CREM: variants seen among roughly 807,000 people sequenced by gnomAD.
The protein encoded by CREM is cAMP-responsive element modulator.
Under a neutral mutation model 37.3 loss-of-function variants are expected in CREM, and 13 were observed. The observed-to-expected ratio is 0.35, with a 90% CI of 0.23 to 0.55. CREM has a LOEUF of 0.55. Ranked by LOEUF, CREM falls within the 20% of genes least tolerant of loss-of-function variation. CREM has a pLI of 0.88. For synonymous variants in CREM, 124 were observed against 120.2 expected (o/e 1.03, Z -0.21); for missense variants, 296 against 362.3 (o/e 0.82, Z 1.49).
rs568005377 is a variant in CREM at position 35,161,993 on chromosome 10, A to G, written c.168+13502A>G. 5.9e-5 allele frequency among the ~76,000 whole-genome samples: 9 copies of G among 152,328 alleles called. No individual in the cohort carries two copies. In the East Asian group the frequency reaches 1.5e-3, roughly 26 times the overall value. On this transcript the variant is annotated intron_variant, in intron 3 of 7. Transcript: ENST00000685392. ...GCACTTCCATATTTATTGCAGCACT[A>G]TGCATAATGGCCAAGATACGGAATC...
At chr10:35,158,007 C>T (rs1338733716) in intron 3 of CREM, among the ~76,000 whole-genome samples, 1 of 151,832 alleles carries the variant, frequency 6.6e-6, no homozygotes, top group Non-Finnish European at 1.5e-5. Flanking sequence ...GAAAAAAATA[C>T]TTAGAAATAA....
intron 3 of CREM, among the ~76,000 whole-genome samples, chr10:35,170,523 C>G (rs943193150): frequency 6.6e-6 from 1 of 152,162 alleles, no homozygotes; most frequent in African/African-American, 2.4e-5. Context: ...GTGAATCCAT[C>G]TGGTCCTGGA....
chr10:35,178,549 A>G (rs1005146674), intron 3 of CREM, among the ~76,000 whole-genome samples: 4 of 152,198 alleles, frequency 2.6e-5, no homozygotes, highest in Non-Finnish European at 4.4e-5. Flanking sequence ...TCGTAGGAGC[A>G]CTTTCAGGTT....
chr10:35,167,561 A>T, intron 3 of CREM: 1 of 650,274 alleles, frequency 1.5e-6, no homozygotes, highest in South Asian at 1.9e-5. Flanking sequence ...GAGCTAGTCC[A>T]CTAGGTGCTA....
chr10:35,182,002 T>C (rs967165629), intron 5 of CREM, among the ~76,000 whole-genome samples: 3 of 152,260 alleles, frequency 2.0e-5, no homozygotes, highest in Non-Finnish European at 2.9e-5. Context: ...TGAGAAGTTA[T>C]AGTTCTGTAT....
chr10:35,156,939 C>T (rs2092951803), intron 3 of CREM, among the ~76,000 whole-genome samples: 1 of 152,072 alleles, frequency 6.6e-6, no homozygotes, highest in African/African-American at 2.4e-5. Flanking sequence ...GATGCAACAA[C>T]AACAACAAAA....
intron 3 of CREM, among the ~76,000 whole-genome samples, chr10:35,156,922 A>G (rs1457674115): frequency 2.0e-5 from 3 of 152,214 alleles, no homozygotes; most frequent in East Asian, 1.9e-4. Context: ...AAAACAATGC[A>G]TATAAAGATG....
intron 5 of CREM, 83 bp from the exon 6 acceptor site, chr10:35,188,117 G>A (rs1264317073): frequency 3.1e-6 from 4 of 1,299,418 alleles, no homozygotes; most frequent in Non-Finnish European, 4.2e-6. Context: ...GTAATAAATA[G>A]ACCCAGAGTA....
At chr10:35,181,906 A>G (rs144812275) in intron 5 of CREM, among the ~76,000 whole-genome samples, 2 of 152,212 alleles carry the variant, frequency 1.3e-5, no homozygotes, top group Admixed American at 6.5e-5. Context: ...ACATCTGTCT[A>G]TTTGCCACAT....
intron 2 of CREM, among the ~76,000 whole-genome samples, chr10:35,145,283 C>T (rs993853103): frequency 5.3e-4 from 81 of 152,126 alleles, no homozygotes; most frequent in Non-Finnish European, 1.3e-4. Flanking sequence ...CTTTCCCTCA[C>T]CCAGATTTTC....
intron 3 of CREM, among the ~76,000 whole-genome samples, chr10:35,157,580 G>A (rs888899296): frequency 1.3e-5 from 2 of 148,672 alleles, no homozygotes; most frequent in South Asian, 4.2e-4. Context: ...AGGTTGCAAT[G>A]AGCCAAGATC....
At chr10:35,203,257 G>A (rs1293561237) in intron 6 of CREM, among the ~76,000 whole-genome samples, 1 of 152,004 alleles carries the variant, frequency 6.6e-6, no homozygotes, top group Non-Finnish European at 1.5e-5. Flanking sequence ...TGTTGCCCAG[G>A]CTGGTCTTGA....
chr10:35,158,798 GTTTTTTTTTTGT>G (rs2093082716), intron 3 of CREM, among the ~76,000 whole-genome samples: 18 of 100,812 alleles, frequency 1.8e-4, no homozygotes, highest in African/African-American at 6.3e-4. Flanking sequence ...CAAATATAGT[GTTTTTTTTTTGT>G]TGTTTTGTTT....
At chr10:35,169,237 A>C (rs561482935) in intron 3 of CREM, among the ~76,000 whole-genome samples, 2 of 152,288 alleles carry the variant, frequency 1.3e-5, no homozygotes, top group East Asian at 3.9e-4. Context: ...TGAGCATGGA[A>C]TGTTCTTCCA....
chr10:35,182,917 A>G (rs995580192), intron 5 of CREM, among the ~76,000 whole-genome samples: 4 of 152,226 alleles, frequency 2.6e-5, no homozygotes, highest in African/African-American at 9.7e-5. Context: ...ACAGCCTTAG[A>G]ATTAACAAAG....
At chr10:35,128,552 G>T (rs1455332182) in intron 1 of CREM, among the ~76,000 whole-genome samples, 2 of 146,794 alleles carry the variant, frequency 1.4e-5, no homozygotes, top group African/African-American at 2.5e-5. Flanking sequence ...TTGAGACGGG[G>T]TCTCGCTCTG....
chr10:35,160,752 A>G (rs185842564), intron 3 of CREM, among the ~76,000 whole-genome samples: 81 of 152,358 alleles, frequency 5.3e-4, no homozygotes, highest in African/African-American at 1.9e-3. Flanking sequence ...GTTTTCTTCT[A>G]TGCTTATGCT....
chr10:35,206,170 C>T (rs1218393569), intron 6 of CREM, among the ~76,000 whole-genome samples: 2 of 152,044 alleles, frequency 1.3e-5, no homozygotes, highest in Non-Finnish European at 2.9e-5. Context: ...ATGGCATGAA[C>T]CCAGGAGGCG....
intron 2 of CREM, among the ~76,000 whole-genome samples, chr10:35,139,642 GTTAA>G (rs1270917424): frequency 1.3e-5 from 2 of 152,010 alleles, no homozygotes; most frequent in South Asian, 2.1e-4. Context: ...ATACTACATA[GTTAA>G]TTAAAGACTA....
Sources: gnomAD v4.1 joint callset for allele counts (sites outside exome capture counted in the v4.1 genomes callset) on GRCh38, gnomAD v4.1.1 for gene constraint, MANE v1.5 for transcripts, NCBI Gene and HGNC (gene_info 2026-07-23, HGNC 2026-07-21) for gene names.